Variants in SNTG1 observed in about 807,000 individuals in gnomAD.
SNTG1 encodes gamma-1-syntrophin.
A neutral mutation model predicts 74.7 loss-of-function variants in SNTG1; 39 were observed. That is an observed-to-expected ratio of 0.52 (90% CI 0.40 to 0.68). SNTG1 has a LOEUF of 0.68. Among genes scored for constraint, SNTG1 ranks in the 30% least tolerant of loss-of-function variants. SNTG1 has a pLI of 0.00. For synonymous variants in SNTG1, 254 were observed against 217.1 expected (o/e 1.17, Z -1.49); for missense variants, 685 against 609.5 (o/e 1.12, Z -1.30).
intron 2 of SNTG1, among the ~76,000 whole-genome samples, chr8:50,324,064 T>C (rs1032385708): frequency 1.3e-5 from 2 of 152,178 alleles, no homozygotes; most frequent in African/African-American, 2.4e-5. Context: ...CTTTGTATCC[T>C]ATACTGCCTT....
intron 1 of SNTG1, among the ~76,000 whole-genome samples, chr8:50,149,824 C>G (rs566577050): frequency 1.8e-4 from 28 of 152,180 alleles, no homozygotes; most frequent in African/African-American, 6.3e-4. Context: ...AGTCAGGTAT[C>G]GTGATGCTTC....
At chr8:50,219,639 TAC>T (rs1428295731) in intron 2 of SNTG1, among the ~76,000 whole-genome samples, 7 of 152,088 alleles carry the variant, frequency 4.6e-5, no homozygotes, top group African/African-American at 1.7e-4. Context: ...CGGGATGTGC[TAC>T]ACAGTTTTAA....
intron 2 of SNTG1, among the ~76,000 whole-genome samples, chr8:50,312,272 T>A (rs1297783968): frequency 6.6e-6 from 1 of 152,126 alleles, no homozygotes; most frequent in Non-Finnish European, 1.5e-5. Flanking sequence ...CCCCCATCTA[T>A]CTTTTCTGGT....
In SNTG1 at chr8:50,509,279, T is replaced by C. The variant is rs192270892; in HGVS notation, c.466+6399T>C. 2.3e-3 allele frequency among the ~76,000 whole-genome samples: 355 copies of C among 152,314 alleles called. 2 individuals carry two copies. Among genetic ancestry groups the C allele is most frequent in the African/African-American group, 8.3e-3 (343 of 41,562 alleles). On this transcript the variant is annotated intron_variant, in intron 9 of 18. Coordinates refer to ENST00000642720, the MANE Select transcript of SNTG1 (RefSeq NM_018967.5). ...GGCTCTGTTCTGTTCCATTGGTCTC[T>C]ATCTCTGTTTTGGTACCAGTACCAT...
At chr8:50,648,598 C>T (rs2095125157) in intron 13 of SNTG1, among the ~76,000 whole-genome samples, 1 of 152,092 alleles carries the variant, frequency 6.6e-6, no homozygotes, top group South Asian at 2.1e-4. Flanking sequence ...TCCTATACAA[C>T]TTACAAAACT....
intron 10 of SNTG1, among the ~76,000 whole-genome samples, chr8:50,535,183 CCATT>C (rs1418810936): frequency 1.3e-5 from 2 of 152,078 alleles, no homozygotes; most frequent in African/African-American, 4.8e-5. Flanking sequence ...CCAGTTGTTA[CCATT>C]ATTATCCCCA....
At chr8:50,155,550 T>C (rs2082226467) in intron 1 of SNTG1, among the ~76,000 whole-genome samples, 1 of 152,044 alleles carries the variant, frequency 6.6e-6, no homozygotes, top group Non-Finnish European at 1.5e-5. Flanking sequence ...AGATAAAATA[T>C]TCTATAATGT....
At chr8:50,156,596 G>A (rs2082262771) in intron 1 of SNTG1, among the ~76,000 whole-genome samples, 1 of 151,890 alleles carries the variant, frequency 6.6e-6, no homozygotes, top group Non-Finnish European at 1.5e-5. Flanking sequence ...CTAAAATATA[G>A]GTTGGGATAT....
chr8:50,210,714 T>C (rs983171602), intron 2 of SNTG1, among the ~76,000 whole-genome samples: 3 of 152,154 alleles, frequency 2.0e-5, no homozygotes, highest in African/African-American at 7.2e-5. Context: ...TGGTACATAG[T>C]TAGATAATGA....
chr8:50,585,005 G>T lies in SNTG1; in HGVS notation c.811-5874G>T, dbSNP rs766983596. Among the ~76,000 whole-genome samples the T allele has an allele frequency of 2.6e-4, 40 of 152,242 alleles. No homozygotes were observed. In the Middle Eastern group the frequency reaches 0.01, roughly 39 times the overall value. On this transcript the variant is annotated intron_variant, in intron 12 of 18. Transcript: ENST00000642720. Reference sequence around the variant, plus strand: ...GCCTGAGGCCAGTATTTGGGAAGAAGGGGCAGGCATTGGCTCTGGGTCATT... The same window carrying T: ...GCCTGAGGCCAGTATTTGGGAAGAATGGGCAGGCATTGGCTCTGGGTCATT...
intron 13 of SNTG1, among the ~76,000 whole-genome samples, chr8:50,626,964 A>T (rs2094960687): frequency 6.6e-6 from 1 of 152,138 alleles, no homozygotes; most frequent in Non-Finnish European, 1.5e-5. Flanking sequence ...GTCTCATCTT[A>T]TATGTCATTA....
chr8:49,914,402 G>A (rs964030653), intron 1 of SNTG1, among the ~76,000 whole-genome samples: 2 of 151,218 alleles, frequency 1.3e-5, no homozygotes, highest in African/African-American at 4.9e-5. Flanking sequence ...ACTAAGTGTT[G>A]TTGGCTGTTG....
chr8:50,352,520 AG>A (rs1387585114), intron 2 of SNTG1, among the ~76,000 whole-genome samples: 2 of 151,952 alleles, frequency 1.3e-5, no homozygotes, highest in African/African-American at 4.8e-5. Context: ...CCTCCCAAGT[AG>A]ATCAGATTAC....
chr8:50,754,715 A>G (rs556054625), intron 18 of SNTG1, among the ~76,000 whole-genome samples: 18 of 151,482 alleles, frequency 1.2e-4, no homozygotes, highest in African/African-American at 4.4e-4. Flanking sequence ...TTTGGCTTTT[A>G]TTTTGCTCTC....
intron 1 of SNTG1, among the ~76,000 whole-genome samples, chr8:50,033,119 G>A (rs1237964089): frequency 2.1e-5 from 3 of 141,518 alleles, no homozygotes; most frequent in African/African-American, 7.7e-5. Flanking sequence ...AATAAAAAGT[G>A]TTTTTTTTTT....
At chr8:50,221,324 A>G (rs2085053297) in intron 2 of SNTG1, among the ~76,000 whole-genome samples, 1 of 152,138 alleles carries the variant, frequency 6.6e-6, no homozygotes, top group Non-Finnish European at 1.5e-5. Context: ...TGTGCAGTAG[A>G]GGGAAAAAAT....
At chr8:50,499,449 G>C (rs2129636822) in intron 8 of SNTG1, among the ~76,000 whole-genome samples, 1 of 148,510 alleles carries the variant, frequency 6.7e-6, no homozygotes, top group South Asian at 2.1e-4. Flanking sequence ...AGATTCTAGT[G>C]CACTTTTTGT....
At chr8:50,469,101 GT>G (rs2093631752) in intron 8 of SNTG1, among the ~76,000 whole-genome samples, 1 of 151,132 alleles carries the variant, frequency 6.6e-6, no homozygotes, top group Admixed American at 6.6e-5. Context: ...TTGCTTGTGT[GT>G]ATCTGAGCTT....
chr8:50,610,015 A>G (rs2094839180), intron 13 of SNTG1, among the ~76,000 whole-genome samples: 1 of 152,024 alleles, frequency 6.6e-6, no homozygotes, highest in Admixed American at 6.6e-5. Context: ...AATGAATCTC[A>G]CTTTCTTCTT....
Sources: gnomAD v4.1 joint callset for allele counts (sites outside exome capture counted in the v4.1 genomes callset) on GRCh38, gnomAD v4.1.1 for gene constraint, MANE v1.5 for transcripts, NCBI Gene and HGNC (gene_info 2026-07-23, HGNC 2026-07-21) for gene names.